The following SENP5 variants were observed in gnomAD, a reference collection of about 807,000 sequenced individuals.
SENP5 encodes the protein sentrin-specific protease 5.
In SENP5, 21 loss-of-function variants were observed where a neutral mutation model predicts 74.2. The observed-to-expected ratio is 0.28, with a 90% CI of 0.20 to 0.41. The LOEUF is 0.41. Ranked by LOEUF, SENP5 falls within the 10% of genes least tolerant of loss-of-function variation. SENP5 has a pLI of 1.00. For synonymous variants in SENP5, 311 were observed against 312.7 expected (o/e 0.99, Z 0.06); for missense variants, 717 against 889.1 (o/e 0.81, Z 2.46).
intron 2 of SENP5, among the ~76,000 whole-genome samples, chr3:196,895,037 T>G (rs1337333164): frequency 6.6e-6 from 1 of 152,232 alleles, no homozygotes; most frequent in Non-Finnish European, 1.5e-5. Flanking sequence ...AGGTATGCAC[T>G]GTGTTTTGTT....
In SENP5 at chr3:196,932,930, ACT is replaced by A. The variant is rs1716090634; in HGVS notation, c.*2010_*2011del. Reference sequence around the variant, plus strand: ...GAGAGAGAGCTGCCCAAATCCAGTGACTCTTCCACTTCCAGTCTCATGCTTCA... The same window carrying A: ...GAGAGAGAGCTGCCCAAATCCAGTGACTTCCACTTCCAGTCTCATGCTTCA... On this transcript the variant is annotated 3_prime_UTR_variant, in exon 10 of 10. Coordinates refer to ENST00000323460, the MANE Select transcript of SENP5 (RefSeq NM_152699.5). 1.4e-5 allele frequency: 2 copies of A among 145,900 alleles called. No individual in the cohort carries two copies. The highest frequency in any genetic ancestry group is 5.1e-5 in the African/African-American group (2 of 39,158). 9.0% of individuals were successfully genotyped at this position (145,900 alleles called of 1,614,324 possible).
intron 1 of SENP5, 25 bp from the exon 2 acceptor site, chr3:196,885,126 T>C: frequency 2.9e-6 from 4 of 1,366,220 alleles, no homozygotes; most frequent in Non-Finnish European, 4.0e-6. Flanking sequence ...TAGATAGAAA[T>C]ATAACTTACT....
intron 1 of SENP5, among the ~76,000 whole-genome samples, chr3:196,879,971 G>A (rs1342788343): frequency 2.6e-5 from 4 of 152,022 alleles, no homozygotes; most frequent in Admixed American, 2.6e-4. Flanking sequence ...TTGAAGACAT[G>A]GTCTCACTCT....
Position 196,931,561 on chromosome 3 carries a change from G to A in SENP5, c.*638G>A, listed in dbSNP as rs1716039210. On this transcript the variant is annotated 3_prime_UTR_variant, in exon 10 of 10. Coordinates refer to ENST00000323460, the MANE Select transcript of SENP5 (RefSeq NM_152699.5). ...CTTGTAAGCACAGTGGCTGCTTTGGGAGGAGTAAGGTGTGAGAAAAAGCAA... is the reference window on the plus strand; with the variant it reads ...CTTGTAAGCACAGTGGCTGCTTTGGAAGGAGTAAGGTGTGAGAAAAAGCAA... The A allele has an allele frequency of 4.2e-6, 1 of 240,604 alleles. No individual in the cohort carries two copies. The highest frequency in any genetic ancestry group is 8.2e-6 in the Non-Finnish European group (1 of 122,292). The allele number at this position is 240,604 out of a possible 1,614,324, so 14.9% of individuals were successfully genotyped here.
intron 1 of SENP5, among the ~76,000 whole-genome samples, chr3:196,872,054 T>C (rs1343149476): frequency 1.3e-5 from 2 of 152,124 alleles, no homozygotes; most frequent in East Asian, 1.9e-4. Flanking sequence ...TTGGCCGATA[T>C]AACTTTTTCG....
chr3:196,924,882 G>A (rs1577847835), intron 7 of SENP5, among the ~76,000 whole-genome samples: 2 of 152,122 alleles, frequency 1.3e-5, no homozygotes, highest in Non-Finnish European at 2.9e-5. Context: ...CTATGGTACG[G>A]TATACCCATA....
intron 1 of SENP5, among the ~76,000 whole-genome samples, chr3:196,870,595 G>T (rs2108800831): frequency 6.6e-6 from 1 of 151,996 alleles, no homozygotes; most frequent in East Asian, 1.9e-4. Flanking sequence ...TCTGCTCACT[G>T]CAACTTCCGC....
chr3:196,890,282 A>G (rs905294301), intron 2 of SENP5, among the ~76,000 whole-genome samples: 10 of 152,236 alleles, frequency 6.6e-5, no homozygotes, highest in African/African-American at 1.7e-4. Context: ...AATGAGTACA[A>G]TAGATAATCC....
At chr3:196,917,404 C>A (rs573358852) in intron 6 of SENP5, among the ~76,000 whole-genome samples, 1 of 152,114 alleles carries the variant, frequency 6.6e-6, no homozygotes, top group South Asian at 2.1e-4. Flanking sequence ...AAACTTCACT[C>A]AGATAGTAAC....
Position 196,931,621 on chromosome 3 carries a change from G to A in SENP5, c.*698G>A, listed in dbSNP as rs115619486. ...CCAGTAACAATGACAGATTTCAATC[G>A]TGGTTTTAGGAATTATAATACGTGG... On this transcript the variant is annotated 3_prime_UTR_variant, in exon 10 of 10. Coordinates refer to ENST00000323460, the MANE Select transcript of SENP5 (RefSeq NM_152699.5). 0.017 allele frequency: 4,055 copies of A among 236,222 alleles called. 50 individuals carry two copies. Among genetic ancestry groups the A allele is most frequent in the South Asian group, 0.026 (590 of 23,072 alleles). The allele number at this position is 236,222 out of a possible 1,614,324, so 14.6% of individuals were successfully genotyped here. A position where few individuals can be genotyped will look rare whatever the true frequency, so the allele number is the denominator to read the frequency against.
rs553901779 is a variant in SENP5 at position 196,903,913 on chromosome 3, C to T, written c.1884+303C>T. ...AACAATTTTTTGCTGGTGCTGGGCACGGTGCCTCGCACCTGTTGTCCCAGC... is the reference window on the plus strand; with the variant it reads ...AACAATTTTTTGCTGGTGCTGGGCATGGTGCCTCGCACCTGTTGTCCCAGC... On this transcript the variant is annotated intron_variant, in intron 6 of 9. Coordinates refer to ENST00000323460, the MANE Select transcript of SENP5 (RefSeq NM_152699.5). Among the ~76,000 whole-genome samples, 5 of 152,320 alleles carry T rather than the reference C, an allele frequency of 3.3e-5. No individual in the cohort carries two copies. The East Asian group carries it at 5.8e-4, about 18-fold the overall frequency.
chr3:196,871,505 TC>T (rs1713214095), intron 1 of SENP5, among the ~76,000 whole-genome samples: 1 of 152,188 alleles, frequency 6.6e-6, no homozygotes, highest in South Asian at 2.1e-4. Context: ...GAGGCAGTCT[TC>T]TGACTCTGAA....
chr3:196,930,799 C>CTT lies in SENP5; in HGVS notation c.2158-6_2158-5dup. 6.5e-7 allele frequency: 1 copy of CTT among 1,534,170 alleles called. No individual in the cohort carries two copies. The highest frequency in any genetic ancestry group is 9.0e-7 in the Non-Finnish European group (1 of 1,110,452). On this transcript the variant is annotated splice_polypyrimidine_tract_variant and intron_variant, in intron 9 of 9. Transcript: ENST00000323460. ...AGTGCCACTGAAGTGTTTCTGGGAC[C>CTT]TTTTTTTTTGCAGTACTGCAAGTGC...
In SENP5 at chr3:196,923,564, ACTGC is replaced by A. The variant is rs1474547490; in HGVS notation, c.2022+16_2022+19del. 1 of 1,561,466 alleles carries A rather than the reference ACTGC, an allele frequency of 6.4e-7. No homozygotes were observed. Among genetic ancestry groups the A allele is most frequent in the South Asian group, 1.2e-5 (1 of 86,426 alleles). On this transcript the variant is annotated intron_variant, in intron 7 of 9. Coordinates refer to ENST00000323460, the MANE Select transcript of SENP5 (RefSeq NM_152699.5). ...GTTTTGTGTAGAGGTAAGTTAATAT[ACTGC>A]CTATTTTTTCATTTATTTTGTAATT...
chr3:196,868,421 G>A lies in SENP5; in HGVS notation c.-32+348G>A, dbSNP rs1054201385. ...CCAGCTCCGGCCGCCGTGGAAGTCC[G>A]GGGTTTTTATTTGCTTAGACCGCTC... On this transcript the variant is annotated intron_variant, in intron 1 of 9. Coordinates refer to ENST00000323460, the MANE Select transcript of SENP5 (RefSeq NM_152699.5). Among the ~76,000 whole-genome samples the A allele has an allele frequency of 4.6e-5, 7 of 152,362 alleles. 1 individual carries two copies. Among genetic ancestry groups the A allele is most frequent in the African/African-American group, 1.7e-4 (7 of 41,598 alleles).
chr3:196,922,953 A>G (rs1715677118), intron 6 of SENP5, among the ~76,000 whole-genome samples: 1 of 151,826 alleles, frequency 6.6e-6, no homozygotes, highest in Non-Finnish European at 1.5e-5. Flanking sequence ...GAGTCTCATT[A>G]TGTTGCCCAG....
At chr3:196,923,643 A>G (rs556129678) in intron 7 of SENP5, 92 bp downstream of exon 7, 6 of 823,124 alleles carry the variant, frequency 7.3e-6, no homozygotes, top group Admixed American at 5.0e-5. Context: ...TCAAAACCAT[A>G]TAGGAACAGT....
At chr3:196,915,965 G>A (rs1263615402) in intron 6 of SENP5, among the ~76,000 whole-genome samples, 1 of 152,152 alleles carries the variant, frequency 6.6e-6, no homozygotes, top group Non-Finnish European at 1.5e-5. Context: ...AGTCCAAACT[G>A]TGAAGATAGA....
chr3:196,902,093 T>TA (rs1189168288), intron 5 of SENP5, among the ~76,000 whole-genome samples: 1 of 152,230 alleles, frequency 6.6e-6, no homozygotes, highest in Non-Finnish European at 1.5e-5. Flanking sequence ...AGCTCTTTCT[T>TA]ATTTATTTGT....
Sources: allele counts gnomAD v4.1 joint callset (sites outside exome capture counted in the v4.1 genomes callset), GRCh38; gene constraint gnomAD v4.1.1; transcripts MANE v1.5; gene names NCBI Gene and HGNC (gene_info 2026-07-23, HGNC 2026-07-21).